Variants in TTC17 observed in about 807,000 individuals in gnomAD.
TTC17 encodes tetratricopeptide repeat domain 17, also known as tetratricopeptide repeat protein 17.
A neutral mutation model predicts 143.8 loss-of-function variants in TTC17; 58 were observed. The ratio of observed to expected loss-of-function variants is 0.40; its 90% CI spans 0.33 to 0.50. The LOEUF (loss-of-function observed/expected upper bound fraction) is 0.50, where lower values mean the gene tolerates loss of function less well. Among genes scored for constraint, TTC17 ranks in the 20% least tolerant of loss-of-function variants. The pLI, the probability that TTC17 is intolerant of heterozygous loss-of-function variation, is 0.49. For missense variants in TTC17, 1,273 were observed against 1,392.5 expected, an observed-to-expected ratio of 0.91 and a Z score of 1.37; for synonymous variants, 501 against 497.8, an observed-to-expected ratio of 1.01 and a Z score of -0.09.
intron 18 of TTC17, chr11:43,445,836 C>G: frequency 1.4e-6 from 1 of 701,572 alleles, no homozygotes; most frequent in East Asian, 2.7e-5. Context: ...AGTTTGTGAG[C>G]CCATGGGGGA....
At chr11:43,404,254 TTC>T in intron 11 of TTC17, 110 bp downstream of exon 11, 1 of 1,032,844 alleles carries the variant, frequency 9.7e-7, no homozygotes, top group Non-Finnish European at 1.4e-6. Flanking sequence ...TTCAGATTAG[TTC>T]AGCAAACGTG....
chr11:43,399,039 T>C (rs1857735233), intron 8 of TTC17, among the ~76,000 whole-genome samples: 1 of 152,206 alleles, frequency 6.6e-6, no homozygotes, highest in Admixed American at 6.5e-5. Flanking sequence ...AGTATGGGTT[T>C]TCTGATTAAA....
intron 1 of TTC17, among the ~76,000 whole-genome samples, chr11:43,366,438 G>A (rs1427289432): frequency 6.6e-6 from 1 of 151,582 alleles, no homozygotes; most frequent in African/African-American, 2.4e-5. Flanking sequence ...CCCGGGAGGT[G>A]GAGGTTGTAG....
chr11:43,411,583 C>T (rs1858415385), intron 15 of TTC17, among the ~76,000 whole-genome samples: 1 of 152,158 alleles, frequency 6.6e-6, no homozygotes, highest in African/African-American at 2.4e-5. Context: ...CAAAACTATG[C>T]CTGCAACATA....
At chr11:43,486,590 A>T (rs1469601771) in intron 21 of TTC17, 2 of 275,364 alleles carry the variant, frequency 7.3e-6, no homozygotes, top group Non-Finnish European at 1.6e-5. Flanking sequence ...TAACATTTAG[A>T]ATAGTGTGTG....
intron 1 of TTC17, among the ~76,000 whole-genome samples, chr11:43,366,067 G>A (rs1009857830): frequency 3.3e-5 from 5 of 150,018 alleles, no homozygotes; most frequent in Admixed American, 2.0e-4. Flanking sequence ...TACAACCTCC[G>A]CCTCCCAGGT....
At position 43,451,217 on chromosome 11, in the gene TTC17, A is replaced by G; in HGVS notation, c.2982A>G (p.Gln994=). 6.2e-7 allele frequency: 1 copy of G among 1,613,912 alleles called. No homozygotes were observed. Among genetic ancestry groups the G allele is most frequent in the South Asian group, 1.1e-5 (1 of 91,074 alleles). ...LQNLGKDQYP[Q]QSLEQIGTRI... ...ATCTCGGCAAAGACCAATATCCACA[A>G]CAGTCGCTTGAACAGATTGGCACCC... Residue 994 remains glutamine, a synonymous_variant, in exon 21 of 24, where the codon CAA becomes CAG. Coordinates refer to ENST00000039989, the MANE Select transcript of TTC17 (RefSeq NM_018259.6).
At chr11:43,460,817 C>T (rs1245266847) in intron 21 of TTC17, among the ~76,000 whole-genome samples, 1 of 152,146 alleles carries the variant, frequency 6.6e-6, no homozygotes, top group East Asian at 1.9e-4. Context: ...CCAGCAGGGT[C>T]CTGGGCCATT....
chr11:43,401,431 C>A lies in TTC17; in HGVS notation c.1220-15C>A. ...ACCTTGCTCATCATTTGTGTAATTT[C>A]CTTTCTTATTCCAGGAAATCATCAG... On this transcript the variant is annotated splice_polypyrimidine_tract_variant and intron_variant, in intron 9 of 23. Transcript: ENST00000039989. 1 of 1,574,876 alleles carries A rather than the reference C, an allele frequency of 6.3e-7. No individual in the cohort carries two copies. The highest frequency in any genetic ancestry group is 1.2e-5 in the South Asian group (1 of 86,194).
intron 1 of TTC17, among the ~76,000 whole-genome samples, chr11:43,378,306 T>C (rs1179538183): frequency 6.6e-6 from 1 of 152,248 alleles, no homozygotes; most frequent in Non-Finnish European, 1.5e-5. Flanking sequence ...TGTAGAGTCA[T>C]GTACTAAATA....
intron 1 of TTC17, among the ~76,000 whole-genome samples, chr11:43,378,105 G>A (rs1225245732): frequency 6.6e-6 from 1 of 152,108 alleles, no homozygotes; most frequent in East Asian, 1.9e-4. Flanking sequence ...GTTTCACCAT[G>A]TTGGGCAGGC....
At chr11:43,388,952 G>C (rs898783206) in intron 2 of TTC17, among the ~76,000 whole-genome samples, 5 of 150,694 alleles carry the variant, frequency 3.3e-5, no homozygotes, top group Non-Finnish European at 7.4e-5. Context: ...CTCAGCCTGA[G>C]TGACAAAGTG....
At chr11:43,421,127 C>T (rs780143729) in intron 16 of TTC17, among the ~76,000 whole-genome samples, 3 of 152,068 alleles carry the variant, frequency 2.0e-5, no homozygotes, top group Non-Finnish European at 4.4e-5. Flanking sequence ...CATAATAAAT[C>T]ATTTAATTAG....
intron 2 of TTC17, among the ~76,000 whole-genome samples, chr11:43,383,565 T>C (rs2134497299): frequency 6.6e-6 from 1 of 151,326 alleles, no homozygotes; most frequent in South Asian, 2.1e-4. Flanking sequence ...GGTTTCACCA[T>C]GTTGACCAGG....
chr11:43,485,738 C>G (rs1481191017), intron 21 of TTC17, among the ~76,000 whole-genome samples: 1 of 151,986 alleles, frequency 6.6e-6, no homozygotes, highest in African/African-American at 2.4e-5. Flanking sequence ...CAAAGTAATA[C>G]CACAGGAAGA....
At position 43,444,062 on chromosome 11, in the gene TTC17, T is replaced by C; in HGVS notation, c.2518T>C (p.Phe840Leu). The change falls in exon 18 of 24, where the codon TTC (phenylalanine) becomes CTC (leucine). Residue 840 changes from phenylalanine (F) to leucine (L), a missense_variant. Physicochemically the swap from Phe to Leu is conservative, Grantham distance 22. Transcript: ENST00000039989. ...ACATGTTTCTGTTTCCCAGATTACA[T>C]TCCAGGTCAAACGTGTAAAGAAACC... ...EDDEATEWIT[F>L]QVKRVKKPKG... 4 of 1,602,646 alleles carry C rather than the reference T, an allele frequency of 2.5e-6. No individual in the cohort carries two copies.
intron 16 of TTC17, among the ~76,000 whole-genome samples, chr11:43,422,279 G>A (rs1946924057): frequency 6.6e-6 from 1 of 152,144 alleles, no homozygotes; most frequent in Admixed American, 6.5e-5. Context: ...TGAGAAAGGA[G>A]CAGATTTGGG....
intron 15 of TTC17, among the ~76,000 whole-genome samples, chr11:43,412,326 A>T (rs1004135770): frequency 1.3e-5 from 2 of 151,940 alleles, no homozygotes; most frequent in Non-Finnish European, 2.9e-5. Context: ...TCTACAAAAA[A>T]AGTCAAAAAA....
chr11:43,478,260 C>T (rs1023357940), intron 21 of TTC17, among the ~76,000 whole-genome samples: 3 of 151,996 alleles, frequency 2.0e-5, no homozygotes, highest in Admixed American at 6.6e-5. Context: ...AGAAAGCAGC[C>T]AATTAAAATG....
Sources: gnomAD v4.1 joint callset for allele counts (sites outside exome capture counted in the v4.1 genomes callset) on GRCh38, gnomAD v4.1.1 for gene constraint, MANE v1.5 for transcripts, NCBI Gene and HGNC (gene_info 2026-07-23, HGNC 2026-07-21) for gene names.